Variants in KAT6A observed in about 807,000 individuals in gnomAD.
The protein encoded by KAT6A is histone acetyltransferase KAT6A.
KAT6A carries 9 observed loss-of-function variants against 198.4 expected under a neutral mutation model. That is an observed-to-expected ratio of 0.05 (90% CI 0.03 to 0.08). The LOEUF (loss-of-function observed/expected upper bound fraction) is 0.08. Among genes scored for constraint, KAT6A ranks in the 10% least tolerant of loss-of-function variants. The probability of loss-of-function intolerance (pLI) is 1.00; values close to 1 mark genes in which losing one functional copy is unlikely to be tolerated. For synonymous variants in KAT6A, 890 were observed against 883.0 expected, an observed-to-expected ratio of 1.01 and a Z score of -0.14; for missense variants, 2,077 against 2,509.9, an observed-to-expected ratio of 0.83 and a Z score of 3.69.
intron 2 of KAT6A, among the ~76,000 whole-genome samples, chr8:42,000,695 C>A (rs1189607314): frequency 6.6e-6 from 1 of 152,074 alleles, no homozygotes; most frequent in African/African-American, 2.4e-5. Context: ...GTGAACAAAT[C>A]GGCATATAGC....
In KAT6A at chr8:41,960,762, G is replaced by A. The variant is rs539176713; in HGVS notation, c.1483-5351C>T. The stretch of plus-strand genomic sequence containing the variant: ...CTCGGCCATCTTACCTTTTCCATCC[G>A]GAGGACCCATAATCCAGTGCTTCCA... On this transcript the variant is annotated intron_variant, in intron 8 of 16. Transcript: ENST00000265713. 3.8e-4 allele frequency among the ~76,000 whole-genome samples: 57 copies of A among 151,874 alleles called. 1 individual carries two copies. Among genetic ancestry groups the A allele is most frequent in the Non-Finnish European group, 6.3e-4 (43 of 67,990 alleles).
chr8:42,050,547 A>G (rs1802560661), intron 1 of KAT6A, among the ~76,000 whole-genome samples: 1 of 152,200 alleles, frequency 6.6e-6, no homozygotes, highest in Admixed American at 6.5e-5. Flanking sequence ...CTCTGATAGG[A>G]AAGAAAAGAG....
At chr8:41,946,725 T>C (rs1231258330) in intron 11 of KAT6A, 41 bp from the exon 12 acceptor site, 2 of 1,107,958 alleles carry the variant, frequency 1.8e-6, no homozygotes, top group African/African-American at 3.2e-5. Context: ...AACAGGCTGG[T>C]AAAAGTGAAT....
chr8:42,032,871 C>CTTTTTTTT (rs1163323345), intron 2 of KAT6A, among the ~76,000 whole-genome samples: 55 of 76,532 alleles, frequency 7.2e-4, no homozygotes, highest in South Asian at 9.7e-4. Flanking sequence ...AAAACCTTGG[C>CTTTTTTTT]TTTTTTTTTT....
chr8:41,985,938 G>T (rs555781717), intron 3 of KAT6A, among the ~76,000 whole-genome samples: 82 of 150,710 alleles, frequency 5.4e-4, no homozygotes, highest in Admixed American at 1.4e-3. Flanking sequence ...TTTTTTTTTT[G>T]TTTGTTTGTT....
chr8:41,966,305 G>A (rs1034263914), intron 8 of KAT6A, among the ~76,000 whole-genome samples: 9 of 152,120 alleles, frequency 5.9e-5, no homozygotes, highest in South Asian at 2.1e-4. Flanking sequence ...GTTACCTGTC[G>A]TCAGCCTCGG....
chr8:42,011,839 C>A, intron 2 of KAT6A, among the ~76,000 whole-genome samples: 1 of 151,100 alleles, frequency 6.6e-6, no homozygotes, highest in South Asian at 2.1e-4. Flanking sequence ...TTCCCAATTC[C>A]CTGGAGCCCA....
chr8:42,035,511 A>G (rs1254738570), intron 2 of KAT6A, among the ~76,000 whole-genome samples: 1 of 152,236 alleles, frequency 6.6e-6, no homozygotes, highest in African/African-American at 2.4e-5. Context: ...AAATGAGTGA[A>G]GAACAGAACC....
At chr8:41,957,874 G>A (rs1823002143) in intron 8 of KAT6A, 1 of 152,664 alleles carries the variant, frequency 6.6e-6, no homozygotes, top group Non-Finnish European at 1.5e-5. Flanking sequence ...GGCCATTCTT[G>A]CAGTATCCCC....
At chr8:42,044,011 T>C (rs1468049799) in intron 2 of KAT6A, among the ~76,000 whole-genome samples, 2 of 151,880 alleles carry the variant, frequency 1.3e-5, no homozygotes, top group Non-Finnish European at 2.9e-5. Context: ...TGGCACATAG[T>C]AAATAAACAC....
At position 41,977,471 on chromosome 8, in the gene KAT6A, T is replaced by C. The variant is rs1824118709; in HGVS notation, c.1044-144A>G. On this transcript the variant is annotated intron_variant, in intron 6 of 16. Coordinates refer to ENST00000265713, the MANE Select transcript of KAT6A (RefSeq NM_006766.5). ...AGAATATTCTGCAAACTATAAATAG[T>C]ACTCTGTGAATGAAAATTAATATTA... is the stretch of plus-strand genomic sequence containing the variant. The C allele has an allele frequency of 7.6e-6, 4 of 529,268 alleles. No homozygotes were observed. In the East Asian group the frequency reaches 8.9e-5, roughly 12 times the overall value. The allele number at this position is 529,268 out of a possible 1,614,324, so 32.8% of individuals were successfully genotyped here. A position where few individuals can be genotyped will look rare whatever the true frequency, so the allele number is the denominator to read the frequency against.
At position 41,943,438 on chromosome 8, in the gene KAT6A, T is replaced by C. The variant is rs150240885; in HGVS notation, c.2228+310A>G. On this transcript the variant is annotated intron_variant, in intron 13 of 16. Coordinates refer to ENST00000265713, the MANE Select transcript of KAT6A (RefSeq NM_006766.5). ...ATGGGCATTTTATTTAATGACTGTT[T>C]CTAGAGTGGTTACTTCTTGTATTGT... is the stretch of plus-strand genomic sequence containing the variant. Among the ~76,000 whole-genome samples, 24 of 152,328 alleles carry C rather than the reference T, an allele frequency of 1.6e-4. No homozygotes were observed. In the East Asian group the frequency reaches 4.6e-3, roughly 29 times the overall value.
chr8:41,934,242 G>A lies in KAT6A; in HGVS notation c.3978C>T (p.Ser1326=). ...ADDEDDGHLE[S]TKKKELEEQP... ...GTTCCTCTAGCTCCTTTTTCTTTGT[G>A]GACTCCAGGTGGCCATCATCCTCAT... The change falls in exon 17 of 17, where the codon TCC becomes TCT. Residue 1326 remains serine, a synonymous_variant. Transcript: ENST00000265713. 1 of 1,613,902 alleles carries A rather than the reference G, an allele frequency of 6.2e-7. No individual in the cohort carries two copies. Among genetic ancestry groups the A allele is most frequent in the Non-Finnish European group, 8.5e-7 (1 of 1,179,982 alleles).
rs576778700 is a variant in KAT6A at position 41,956,465 on chromosome 8, T to A, written c.1483-1054A>T. 1.8e-4 allele frequency among the ~76,000 whole-genome samples: 27 copies of A among 152,340 alleles called. No individual in the cohort carries two copies. The South Asian group carries it at 4.8e-3, about 27-fold the overall frequency. Reference sequence around the variant, plus strand: ...CTAAGAGACTAGTAAAAATCCCTTGTTGGAGCATGCAGACACACATACATA... The same window carrying A: ...CTAAGAGACTAGTAAAAATCCCTTGATGGAGCATGCAGACACACATACATA... On this transcript the variant is annotated intron_variant, in intron 8 of 16. Coordinates refer to ENST00000265713, the MANE Select transcript of KAT6A (RefSeq NM_006766.5).
intron 3 of KAT6A, among the ~76,000 whole-genome samples, chr8:41,982,838 AT>A (rs1449855920): frequency 6.6e-6 from 1 of 152,186 alleles, no homozygotes; most frequent in Non-Finnish European, 1.5e-5. Flanking sequence ...ACTGTGCCTA[AT>A]TTATAAATTA....
At chr8:41,964,257 TTAATAA>T (rs1288983040) in intron 8 of KAT6A, among the ~76,000 whole-genome samples, 1 of 152,134 alleles carries the variant, frequency 6.6e-6, no homozygotes, top group African/African-American at 2.4e-5. Context: ...GGCCAAGTAA[TTAATAA>T]TAAAGTTGTA....
intron 15 of KAT6A, among the ~76,000 whole-genome samples, chr8:41,940,006 A>G (rs753568643): frequency 1.1e-4 from 17 of 152,216 alleles, no homozygotes; most frequent in Admixed American, 2.0e-4. Flanking sequence ...TGCTCTGAAG[A>G]TATTATTCTT....
chr8:42,019,195 T>C (rs995831816), intron 2 of KAT6A, among the ~76,000 whole-genome samples: 3 of 152,230 alleles, frequency 2.0e-5, no homozygotes, highest in African/African-American at 7.2e-5. Context: ...TTTTACCTGT[T>C]TGAGATACCT....
rs60247515 is a variant in KAT6A, at chr8:41,946,493, T to TACACACAC, written c.1996+90_1996+97dup. Reference sequence around the variant, plus strand: ...CTACAAATCTTTAAATATATATATATACACACACACACACACACACACACA... The same window carrying TACACACAC: ...CTACAAATCTTTAAATATATATATATACACACACACACACACACACACACACACACACA... On this transcript the variant is annotated intron_variant, in intron 12 of 16. Transcript: ENST00000265713. 1.6e-3 allele frequency: 502 copies of TACACACAC among 323,466 alleles called. 1 individual carries two copies. Among genetic ancestry groups the TACACACAC allele is most frequent in the Non-Finnish European group, 2.0e-3 (372 of 188,620 alleles). 20.0% of individuals were successfully genotyped at this position (323,466 alleles called of 1,614,324 possible).
Sources: allele counts gnomAD v4.1 joint callset (sites outside exome capture counted in the v4.1 genomes callset), GRCh38; gene constraint gnomAD v4.1.1; transcripts MANE v1.5; gene names NCBI Gene and HGNC (gene_info 2026-07-23, HGNC 2026-07-21).